ASTN2: variants seen among roughly 807,000 people sequenced by gnomAD.
ASTN2 encodes the protein astrotactin 2.
Under a neutral mutation model 139.8 loss-of-function variants are expected in ASTN2, and 54 were observed. That is an observed-to-expected ratio of 0.39 (90% CI 0.31 to 0.48). ASTN2 has a LOEUF of 0.48. Ranked by LOEUF, ASTN2 falls within the 20% of genes least tolerant of loss-of-function variation. The probability of loss-of-function intolerance (pLI) is 0.95; values close to 1 mark genes in which losing one functional copy is unlikely to be tolerated. For synonymous variants in ASTN2, 756 were observed against 719.5 expected (o/e 1.05, Z -0.81); for missense variants, 1,565 against 1,725.1 (o/e 0.91, Z 1.64).
chr9:117,023,299 T>C (rs1438229185), intron 6 of ASTN2, among the ~76,000 whole-genome samples: 2 of 152,160 alleles, frequency 1.3e-5, no homozygotes, highest in African/African-American at 2.4e-5. Context: ...TCACCCAGTC[T>C]GCCCCAACCA....
intron 20 of ASTN2, among the ~76,000 whole-genome samples, chr9:116,482,662 C>T (rs1229970187): frequency 6.6e-6 from 1 of 152,050 alleles, no homozygotes; most frequent in African/African-American, 2.4e-5. Flanking sequence ...CTCCCAACCT[C>T]GGGCTTTTTT....
At chr9:117,088,817 G>C (rs781630864) in intron 5 of ASTN2, among the ~76,000 whole-genome samples, 1 of 152,190 alleles carries the variant, frequency 6.6e-6, no homozygotes, top group Non-Finnish European at 1.5e-5. Flanking sequence ...GGTCCAGAGA[G>C]GGAGACAGAT....
intron 3 of ASTN2, among the ~76,000 whole-genome samples, chr9:117,204,667 G>C (rs1016430796): frequency 6.6e-6 from 1 of 152,114 alleles, no homozygotes; most frequent in Non-Finnish European, 1.5e-5. Flanking sequence ...CTGATTAGGG[G>C]CTAGGAAAAC....
intron 1 of ASTN2, among the ~76,000 whole-genome samples, chr9:117,384,431 T>C (rs1180736268): frequency 6.6e-6 from 1 of 152,192 alleles, no homozygotes; most frequent in East Asian, 1.9e-4. Flanking sequence ...ACTCCAATGT[T>C]AGTTTTGCTA....
rs1362977741 is a variant in ASTN2, at chr9:117,414,071, C to A, written c.442+426G>T. 6.6e-6 allele frequency among the ~76,000 whole-genome samples: 1 copy of A among 152,138 alleles called. No individual in the cohort carries two copies. Among genetic ancestry groups the A allele is most frequent in the African/African-American group, 2.4e-5 (1 of 41,420 alleles). ...AAGGGCAGAACCCGCAACTCCGAGG[C>A]GAGAGCGAGGGGGCGGTGACGGCGG... On this transcript the variant is annotated intron_variant, in intron 1 of 22. Coordinates refer to ENST00000313400, the MANE Select transcript of ASTN2 (RefSeq NM_001365068.1). The surrounding 1 kb of genome is among the most constrained non-coding windows in gnomAD (Gnocchi z 4.2).
intron 6 of ASTN2, among the ~76,000 whole-genome samples, chr9:117,017,007 A>T (rs1837733035): frequency 6.6e-6 from 1 of 151,556 alleles, no homozygotes; most frequent in Non-Finnish European, 1.5e-5. Context: ...GCATGCCTTT[A>T]TGTATCTACG....
intron 3 of ASTN2, among the ~76,000 whole-genome samples, chr9:117,200,996 C>CTTTTTTTTTTTTT (rs777675838): frequency 1.1e-5 from 1 of 94,970 alleles, no homozygotes; most frequent in Non-Finnish European, 2.0e-5. Flanking sequence ...TGGTCCTGGG[C>CTTTTTTTTTTTTT]TTTTTTTTTT....
chr9:117,091,674 C>A (rs1031529638), intron 5 of ASTN2, among the ~76,000 whole-genome samples: 1 of 151,730 alleles, frequency 6.6e-6, no homozygotes, highest in Non-Finnish European at 1.5e-5. Context: ...GGGGAAGAGG[C>A]CCCGGGGGAG....
At chr9:116,531,083 A>C (rs546849845) in intron 19 of ASTN2, among the ~76,000 whole-genome samples, 61 of 152,308 alleles carry the variant, frequency 4.0e-4, no homozygotes, top group Admixed American at 1.3e-3. Flanking sequence ...AAGCTGAGAC[A>C]CGTTCTTGGC....
At chr9:117,342,799 ACCAGGAAC>A in intron 1 of ASTN2, among the ~76,000 whole-genome samples, 1 of 152,328 alleles carries the variant, frequency 6.6e-6, no homozygotes, top group East Asian at 1.9e-4. Flanking sequence ...AACAATGCGG[ACCAGGAAC>A]CCTGCATATT....
At chr9:117,067,916 G>A (rs377077830) in intron 5 of ASTN2, among the ~76,000 whole-genome samples, 13 of 121,502 alleles carry the variant, frequency 1.1e-4, no homozygotes, top group Admixed American at 8.0e-4. Flanking sequence ...GGCTGAGACA[G>A]TGGGGTTTTC....
chr9:117,399,510 T>A (rs1233594762), intron 1 of ASTN2, among the ~76,000 whole-genome samples: 6 of 152,210 alleles, frequency 3.9e-5, no homozygotes, highest in Admixed American at 3.3e-4. Flanking sequence ...GGCACATGAG[T>A]GTTTTAACTT....
chr9:117,171,317 A>C (rs1192548298), intron 3 of ASTN2, among the ~76,000 whole-genome samples: 1 of 152,134 alleles, frequency 6.6e-6, no homozygotes, highest in Admixed American at 6.5e-5. Context: ...CTCCAGAGAA[A>C]GCCCTGCCTG....
At chr9:117,141,242 G>A (rs1247396708) in intron 4 of ASTN2, 84 bp downstream of exon 4, 1 of 1,281,490 alleles carries the variant, frequency 7.8e-7, no homozygotes, top group Non-Finnish European at 1.0e-6. Flanking sequence ...GGAAGCAAGG[G>A]AAGAATGCAC....
chr9:116,864,091 A>G (rs1220468510), intron 10 of ASTN2, among the ~76,000 whole-genome samples: 1 of 152,196 alleles, frequency 6.6e-6, no homozygotes, highest in African/African-American at 2.4e-5. Flanking sequence ...AGTTTGTATT[A>G]ACTTCCAGCT....
intron 6 of ASTN2, among the ~76,000 whole-genome samples, chr9:117,036,875 C>T (rs1838398652): frequency 1.3e-5 from 2 of 152,152 alleles, no homozygotes; most frequent in Admixed American, 6.5e-5. Flanking sequence ...TGTTTCACAA[C>T]AGTCCTTTCG....
intron 3 of ASTN2, among the ~76,000 whole-genome samples, chr9:117,178,672 A>G (rs1830978308): frequency 6.6e-6 from 1 of 152,204 alleles, no homozygotes; most frequent in South Asian, 2.1e-4. Flanking sequence ...TGGCCTGCCT[A>G]TCCTGGCATA....
intron 19 of ASTN2, among the ~76,000 whole-genome samples, chr9:116,565,423 ATATATATT>A (rs1564120604): frequency 3.0e-5 from 2 of 67,720 alleles, no homozygotes; most frequent in Non-Finnish European, 5.8e-5. Flanking sequence ...ATATATATAT[ATATATATT>A]TATTTATTTA....
chr9:117,237,903 T>C (rs1268075014), intron 2 of ASTN2, among the ~76,000 whole-genome samples: 1 of 152,162 alleles, frequency 6.6e-6, no homozygotes, highest in Non-Finnish European at 1.5e-5. Context: ...TGGTGCTGGG[T>C]GCTTCCTCCC....
Sources: gnomAD v4.1 joint callset for allele counts (sites outside exome capture counted in the v4.1 genomes callset) on GRCh38, gnomAD v4.1.1 for gene constraint, Gnocchi (gnomAD v3.1) non-coding constraint, MANE v1.5 for transcripts, NCBI Gene and HGNC (gene_info 2026-07-23, HGNC 2026-07-21) for gene names.